The following ARHGAP10 variants were observed in gnomAD, a reference collection of about 807,000 sequenced individuals.
The protein encoded by ARHGAP10 is rho GTPase-activating protein 10.
In ARHGAP10, 87 loss-of-function variants were observed where a neutral mutation model predicts 108.6. The ratio of observed to expected loss-of-function variants is 0.80; its 90% CI spans 0.67 to 0.96. The LOEUF is 0.96. Ranked by LOEUF, ARHGAP10 falls within the 40% of genes least tolerant of loss-of-function variation. The probability of loss-of-function intolerance (pLI) is 0.00; values close to 1 mark genes in which losing one functional copy is unlikely to be tolerated. For synonymous variants in ARHGAP10, 347 were observed against 341.1 expected (o/e 1.02, Z -0.19); for missense variants, 939 against 954.5 (o/e 0.98, Z 0.21).
At chr4:147,936,761 A>C (rs1160113823) in intron 13 of ARHGAP10, among the ~76,000 whole-genome samples, 2 of 152,152 alleles carry the variant, frequency 1.3e-5, no homozygotes, top group African/African-American at 2.4e-5. Flanking sequence ...TTTAAGCTCT[A>C]ATGAGATGGA....
intron 1 of ARHGAP10, among the ~76,000 whole-genome samples, chr4:147,763,688 A>G (rs1236357001): frequency 6.7e-6 from 1 of 149,920 alleles, no homozygotes; most frequent in Non-Finnish European, 1.5e-5. Flanking sequence ...AGAACCCTGC[A>G]GGTAATTCTA....
chr4:147,753,662 A>G (rs746839387), intron 1 of ARHGAP10, among the ~76,000 whole-genome samples: 1 of 152,004 alleles, frequency 6.6e-6, no homozygotes, highest in South Asian at 2.1e-4. Context: ...CCTGAAGTCA[A>G]TTTTCTTATG....
At chr4:147,871,883 T>A (rs1734837393) in intron 7 of ARHGAP10, among the ~76,000 whole-genome samples, 1 of 152,084 alleles carries the variant, frequency 6.6e-6, no homozygotes. Context: ...GGAGGATCAC[T>A]TGAGCCCCAG....
chr4:147,785,231 C>G (rs1363107206), intron 1 of ARHGAP10, among the ~76,000 whole-genome samples: 1 of 151,680 alleles, frequency 6.6e-6, no homozygotes, highest in African/African-American at 2.4e-5. Context: ...AATCACAAGG[C>G]TGTAGTTTTG....
intron 18 of ARHGAP10, among the ~76,000 whole-genome samples, chr4:148,001,793 C>T (rs62332202): frequency 0.026 from 4,011 of 152,162 alleles, 58 homozygotes; most frequent in Middle Eastern, 0.037. Flanking sequence ...AAGTTGCTTA[C>T]CAGCTTAAGG....
chr4:147,930,010 C>T (rs1458601260), intron 13 of ARHGAP10, among the ~76,000 whole-genome samples: 1 of 152,096 alleles, frequency 6.6e-6, no homozygotes, highest in African/African-American at 2.4e-5. Flanking sequence ...TGATGTAAAT[C>T]CTGTGAATGC....
chr4:147,760,938 T>C (rs190767035), intron 1 of ARHGAP10, among the ~76,000 whole-genome samples: 93 of 152,208 alleles, frequency 6.1e-4, no homozygotes, highest in Middle Eastern at 3.4e-3. Flanking sequence ...GAGTGTGAAA[T>C]TAATAGCTCT....
intron 20 of ARHGAP10, among the ~76,000 whole-genome samples, chr4:148,052,392 C>CATTTTT (rs1729183450): frequency 1.1e-5 from 1 of 90,710 alleles, no homozygotes; most frequent in Non-Finnish European, 2.0e-5. Context: ...TGCACATTTG[C>CATTTTT]TTTTTTTTTT....
intron 1 of ARHGAP10, among the ~76,000 whole-genome samples, chr4:147,734,702 C>T (rs1728353125): frequency 6.6e-6 from 1 of 152,156 alleles, no homozygotes; most frequent in Non-Finnish European, 1.5e-5. Context: ...CCCCTGTCTA[C>T]CTCTTAGGGG....
chr4:147,838,221 G>A (rs1421646348), intron 3 of ARHGAP10, among the ~76,000 whole-genome samples: 1 of 152,090 alleles, frequency 6.6e-6, no homozygotes, highest in Non-Finnish European at 1.5e-5. Flanking sequence ...TTGAGCTATA[G>A]CACCTAAAAT....
chr4:148,019,368 TA>T (rs1741476508), intron 18 of ARHGAP10, among the ~76,000 whole-genome samples: 1 of 152,216 alleles, frequency 6.6e-6, no homozygotes, highest in Non-Finnish European at 1.5e-5. Flanking sequence ...CTGAACACTT[TA>T]TAAACATTAT....
At chr4:147,920,421 CA>C (rs992662212) in intron 13 of ARHGAP10, among the ~76,000 whole-genome samples, 1 of 150,222 alleles carries the variant, frequency 6.7e-6, no homozygotes, top group Admixed American at 6.6e-5. Context: ...GAAACAAAAA[CA>C]AAAAACCCAA....
intron 16 of ARHGAP10, among the ~76,000 whole-genome samples, chr4:147,958,097 T>C (rs1366153858): frequency 6.6e-6 from 1 of 152,220 alleles, no homozygotes; most frequent in Non-Finnish European, 1.5e-5. Flanking sequence ...CTATGGGGAA[T>C]ACAAAAGATT....
intron 1 of ARHGAP10, among the ~76,000 whole-genome samples, chr4:147,786,183 A>G (rs2126740061): frequency 6.6e-6 from 1 of 152,280 alleles, no homozygotes; most frequent in African/African-American, 2.4e-5. Context: ...AAGAGGAAGT[A>G]ACCTTATTAG....
At chr4:147,757,975 C>T (rs916523103) in intron 1 of ARHGAP10, among the ~76,000 whole-genome samples, 2 of 152,162 alleles carry the variant, frequency 1.3e-5, no homozygotes, top group African/African-American at 2.4e-5. Flanking sequence ...GTACGTGTGC[C>T]ATAGCTTGCT....
rs1057369377 is a variant in ARHGAP10, at chr4:147,978,229, G to T, written c.1716+11390G>T. Among the ~76,000 whole-genome samples, 2 of 152,082 alleles carry T rather than the reference G, an allele frequency of 1.3e-5. 1 individual carries two copies. Reference sequence around the variant, plus strand: ...GGGTCGAATGGTAGTTCTATTTTTAGTTCTTTGAGAAATGTCCAACTGCTT... The same window carrying T: ...GGGTCGAATGGTAGTTCTATTTTTATTTCTTTGAGAAATGTCCAACTGCTT... On this transcript the variant is annotated intron_variant, in intron 18 of 22. Coordinates refer to ENST00000336498, the MANE Select transcript of ARHGAP10 (RefSeq NM_024605.4).
intron 1 of ARHGAP10, among the ~76,000 whole-genome samples, chr4:147,797,222 G>A (rs897013989): frequency 2.7e-5 from 4 of 149,880 alleles, no homozygotes; most frequent in African/African-American, 7.4e-5. Flanking sequence ...TTTTCTTTTG[G>A]TATCACTTCT....
intron 1 of ARHGAP10, among the ~76,000 whole-genome samples, chr4:147,736,877 T>C (rs1292544387): frequency 6.6e-6 from 1 of 152,214 alleles, no homozygotes; most frequent in Non-Finnish European, 1.5e-5. Context: ...GTCTGGGTAC[T>C]GCAGGGGGAG....
chr4:147,918,237 A>G (rs1578687616), intron 13 of ARHGAP10, among the ~76,000 whole-genome samples: 1 of 147,152 alleles, frequency 6.8e-6, no homozygotes, highest in Admixed American at 6.9e-5. Flanking sequence ...CTGGGTTCAC[A>G]CCATTCTCCT....
Sources: allele counts gnomAD v4.1 joint callset (sites outside exome capture counted in the v4.1 genomes callset), GRCh38; gene constraint gnomAD v4.1.1; transcripts MANE v1.5; gene names NCBI Gene and HGNC (gene_info 2026-07-23, HGNC 2026-07-21).